The following CHRNB3 variants were observed in gnomAD, a reference collection of about 807,000 sequenced individuals.
CHRNB3 encodes cholinergic receptor nicotinic beta 3 subunit.
A neutral mutation model predicts 40.6 loss-of-function variants in CHRNB3; 37 were observed. The ratio of observed to expected loss-of-function variants is 0.91; its 90% CI spans 0.70 to 1.20. The LOEUF (loss-of-function observed/expected upper bound fraction) is 1.20, where lower values mean the gene tolerates loss of function less well. Ranked by LOEUF, CHRNB3 falls within the 50% of genes most tolerant of loss-of-function variation. The probability of loss-of-function intolerance (pLI) is 0.00; values close to 1 mark genes in which losing one functional copy is unlikely to be tolerated. For synonymous variants in CHRNB3, 207 were observed against 207.1 expected (o/e 1.00, Z 0.00); for missense variants, 505 against 551.2 (o/e 0.92, Z 0.84).
intron 5 of CHRNB3, among the ~76,000 whole-genome samples, chr8:42,735,491 T>C (rs1462878339): frequency 6.6e-6 from 1 of 152,096 alleles, no homozygotes; most frequent in East Asian, 1.9e-4. Context: ...TGAGCCAAGA[T>C]TGCACCACTG....
intron 5 of CHRNB3, among the ~76,000 whole-genome samples, chr8:42,734,143 C>T (rs1239248203): frequency 6.8e-6 from 1 of 147,922 alleles, no homozygotes; most frequent in Non-Finnish European, 1.5e-5. Context: ...GTAGTCCCAG[C>T]TACTTGGGAG....
rs371472380 is a variant in CHRNB3 at position 42,708,815 on chromosome 8, A to C, written c.151A>C (p.Asn51His). 2.5e-6 allele frequency: 4 copies of C among 1,614,068 alleles called. No individual in the cohort carries two copies. Among genetic ancestry groups the C allele is most frequent in the Non-Finnish European group, 3.4e-6 (4 of 1,179,956 alleles). ...QKWVRPVLHS[N>H]DTIKVYFGLK... ...ATGGGTCCGCCCTGTATTACATTCT[A>C]ATGACACCATAAAAGTATATTTTGG... Residue 51 changes from asparagine (N) to histidine (H), a missense_variant, in exon 2 of 6, where the codon AAT becomes CAT. Coordinates refer to ENST00000289957, the MANE Select transcript of CHRNB3 (RefSeq NM_000749.5).
intron 1 of CHRNB3, chr8:42,699,316 T>C (rs1815735825): frequency 6.6e-6 from 1 of 152,224 alleles, no homozygotes; most frequent in African/African-American, 2.4e-5. Flanking sequence ...GTGTATCTTA[T>C]TTATCTTCCC....
At position 42,726,868 on chromosome 8, in the gene CHRNB3, C is replaced by A. The variant is rs867407725; in HGVS notation, c.250-3726C>A. On this transcript the variant is annotated intron_variant, in intron 3 of 5. Coordinates refer to ENST00000289957, the MANE Select transcript of CHRNB3 (RefSeq NM_000749.5). ...CAAAACACTAACAAAACAACAACAA[C>A]AAAAAATCAAGACCTAAGTAAATGG... Among the ~76,000 whole-genome samples, 4 of 152,164 alleles carry A rather than the reference C, an allele frequency of 2.6e-5. 1 individual carries two copies. Among genetic ancestry groups the A allele is most frequent in the Middle Eastern group, 3.4e-3 (1 of 294 alleles).
chr8:42,732,079 C>T lies in CHRNB3; in HGVS notation c.772C>T (p.Pro258Ser). Residue 258 changes from proline (P) to serine (S), a missense_variant, in exon 5 of 6, where the codon CCT becomes TCT. Coordinates refer to ENST00000289957, the MANE Select transcript of CHRNB3 (RefSeq NM_000749.5). ...CCTAACAGTTCTTGTGTTCTATTTA[C>T]CTTCGGATGAAGGAGAAAAACTTTC... ...SFLTVLVFYLPSDEGEKLSLS... is the reference protein window; with the variant it reads ...SFLTVLVFYLSSDEGEKLSLS... 6.2e-7 allele frequency: 1 copy of T among 1,614,100 alleles called. No homozygotes were observed. Among genetic ancestry groups the T allele is most frequent in the South Asian group, 1.1e-5 (1 of 91,086 alleles).
At chr8:42,733,062 G>T (rs1816457131) in intron 5 of CHRNB3, among the ~76,000 whole-genome samples, 4 of 152,066 alleles carry the variant, frequency 2.6e-5, no homozygotes, top group Admixed American at 2.6e-4. Flanking sequence ...AGGCACAGTG[G>T]CTCATACCTG....
In CHRNB3 at chr8:42,714,270, T is replaced by C. The variant is rs1376653276; in HGVS notation, c.249+3836T>C. Among the ~76,000 whole-genome samples, 201 of 151,682 alleles carry C rather than the reference T, an allele frequency of 1.3e-3. 1 individual carries two copies. Among genetic ancestry groups the C allele is most frequent in the African/African-American group, 4.6e-3 (190 of 41,254 alleles). Reference sequence around the variant, plus strand: ...CAGCACTTTGGGAGGCTGAGGCAGGTGGATCACAAGGTCAGGAGATTGAGA... The same window carrying C: ...CAGCACTTTGGGAGGCTGAGGCAGGCGGATCACAAGGTCAGGAGATTGAGA... On this transcript the variant is annotated intron_variant, in intron 3 of 5. Transcript: ENST00000289957.
chr8:42,716,107 C>G (rs1488451586), intron 3 of CHRNB3, among the ~76,000 whole-genome samples: 1 of 151,138 alleles, frequency 6.6e-6, no homozygotes, highest in African/African-American at 2.4e-5. Flanking sequence ...TCCCGAGTAG[C>G]TGGGATTAAA....
intron 3 of CHRNB3, among the ~76,000 whole-genome samples, chr8:42,724,766 G>A (rs1816276951): frequency 6.6e-6 from 1 of 152,072 alleles, no homozygotes; most frequent in African/African-American, 2.4e-5. Context: ...ATCACCTGAG[G>A]TCAGGAGGTC....
Position 42,736,554 on chromosome 8 carries a change from C to T in CHRNB3, c.1313C>T (p.Ser438Leu). 1 of 1,614,146 alleles carries T rather than the reference C, an allele frequency of 6.2e-7. No homozygotes were observed. Among genetic ancestry groups the T allele is most frequent in the Non-Finnish European group, 8.5e-7 (1 of 1,180,028 alleles). Reference sequence around the variant, plus strand: ...TTCCTGTGGCTCTTTCTGATAGTGTCAGTAACAGGCTCGGTTCTGATTTTT... The same window carrying T: ...TTCCTGTGGCTCTTTCTGATAGTGTTAGTAACAGGCTCGGTTCTGATTTTT... ...RIFLWLFLIV[S>L]VTGSVLIFTP... Residue 438 changes from serine (S) to leucine (L), a missense_variant, in exon 6 of 6, where the codon TCA becomes TTA. Transcript: ENST00000289957.
chr8:42,712,017 G>A (rs1004995690), intron 3 of CHRNB3, among the ~76,000 whole-genome samples: 16 of 150,974 alleles, frequency 1.1e-4, no homozygotes, highest in African/African-American at 3.9e-4. Flanking sequence ...TTTTGAGACC[G>A]AATCTCACTC....
At chr8:42,734,111 C>T (rs1816475608) in intron 5 of CHRNB3, among the ~76,000 whole-genome samples, 1 of 149,894 alleles carries the variant, frequency 6.7e-6, no homozygotes. Context: ...CAAAAATTAG[C>T]CAGGCGTGGT....
intron 3 of CHRNB3, among the ~76,000 whole-genome samples, chr8:42,719,482 C>G (rs1816180965): frequency 6.6e-6 from 1 of 152,004 alleles, no homozygotes; most frequent in African/African-American, 2.4e-5. Flanking sequence ...CCTGTCTGTA[C>G]AAAAAATAAG....
intron 4 of CHRNB3, 48 bp downstream of exon 4, chr8:42,730,751 TA>T: frequency 7.5e-7 from 1 of 1,332,546 alleles, no homozygotes; most frequent in Non-Finnish European, 1.0e-6. Flanking sequence ...ATAAATTTTT[TA>T]AAAAGTGAAA....
At chr8:42,719,254 G>A (rs539301375) in intron 3 of CHRNB3, among the ~76,000 whole-genome samples, 1 of 152,282 alleles carries the variant, frequency 6.6e-6, no homozygotes, top group South Asian at 2.1e-4. Flanking sequence ...TGCTGACTCT[G>A]CCACTTGCAA....
chr8:42,729,933 T>C (rs1816375243), intron 3 of CHRNB3, among the ~76,000 whole-genome samples: 1 of 152,172 alleles, frequency 6.6e-6, no homozygotes, highest in South Asian at 2.1e-4. Context: ...AAACATGCCA[T>C]GTGATTTCAT....
chr8:42,720,111 CTTTTTTTTTTTTTTTTTTTTTT>C (rs869178430), intron 3 of CHRNB3, among the ~76,000 whole-genome samples: 4 of 48,746 alleles, frequency 8.2e-5, no homozygotes, highest in African/African-American at 1.8e-4. Flanking sequence ...CAGAAGCCTT[CTTTTTTTTTTTTTTTTTTTTTT>C]TTTTTTTTTT....
chr8:42,714,366 G>T (rs1471969946), intron 3 of CHRNB3, among the ~76,000 whole-genome samples: 2 of 152,004 alleles, frequency 1.3e-5, no homozygotes, highest in Non-Finnish European at 2.9e-5. Context: ...GCCAGGCGTG[G>T]TGGTGGGCAC....
chr8:42,725,665 C>T, intron 3 of CHRNB3: 3 of 992,942 alleles, frequency 3.0e-6, no homozygotes, highest in Non-Finnish European at 4.8e-6. Context: ...GTGGAAAGGG[C>T]ACAAGAACCA....
Sources: gnomAD v4.1 joint callset for allele counts (sites outside exome capture counted in the v4.1 genomes callset) on GRCh38, gnomAD v4.1.1 for gene constraint, MANE v1.5 for transcripts, NCBI Gene and HGNC (gene_info 2026-07-23, HGNC 2026-07-21) for gene names.